B3GALT1: variants seen among roughly 807,000 people sequenced by gnomAD.
B3GALT1 encodes beta-1,3-galactosyltransferase 1.
A neutral mutation model predicts 23.2 loss-of-function variants in B3GALT1; 10 were observed. The observed-to-expected ratio is 0.43, with a 90% confidence interval of 0.27 to 0.73. The LOEUF is 0.73. B3GALT1 is among the 30% of genes least tolerant of loss of function. The probability of loss-of-function intolerance (pLI) is 0.21; values close to 1 mark genes in which losing one functional copy is unlikely to be tolerated. For missense variants in B3GALT1, 299 were observed against 405.4 expected, an observed-to-expected ratio of 0.74 and a Z score of 2.25; for synonymous variants, 156 against 141.5, an observed-to-expected ratio of 1.10 and a Z score of -0.73.
At chr2:167,305,393 C>T (rs987963330) in intron 1 of B3GALT1, among the ~76,000 whole-genome samples, 2 of 152,122 alleles carry the variant, frequency 1.3e-5, no homozygotes, top group African/African-American at 2.4e-5. Context: ...ACAGTTCCTA[C>T]CTGATGAACA....
chr2:167,836,946 G>C (rs1299553317), intron 4 of B3GALT1, among the ~76,000 whole-genome samples: 1 of 152,072 alleles, frequency 6.6e-6, no homozygotes, highest in African/African-American at 2.4e-5. Flanking sequence ...AAGTGAAGGA[G>C]AAATAAAATA....
intron 1 of B3GALT1, among the ~76,000 whole-genome samples, chr2:167,315,580 A>G (rs1189539808): frequency 6.6e-6 from 1 of 152,172 alleles, no homozygotes; most frequent in Non-Finnish European, 1.5e-5. Flanking sequence ...CCTAGCTCAG[A>G]AAAGTTGAAG....
At chr2:167,759,163 G>A (rs1687863387) in intron 3 of B3GALT1, among the ~76,000 whole-genome samples, 1 of 152,202 alleles carries the variant, frequency 6.6e-6, no homozygotes. Flanking sequence ...CCGTTCTCGA[G>A]GTTTCCACAG....
intron 2 of B3GALT1, among the ~76,000 whole-genome samples, chr2:167,527,697 A>G (rs1170976352): frequency 1.3e-5 from 2 of 152,146 alleles, no homozygotes; most frequent in Non-Finnish European, 2.9e-5. Flanking sequence ...CTGGTATACA[A>G]TTTTTAAAAT....
intron 1 of B3GALT1, among the ~76,000 whole-genome samples, chr2:167,443,578 A>G (rs983331725): frequency 3.3e-5 from 5 of 151,976 alleles, no homozygotes; most frequent in African/African-American, 4.8e-5. Flanking sequence ...CCTTGAAGAG[A>G]TCCTTCACAT....
chr2:167,696,035 A>G (rs1362568493), intron 3 of B3GALT1, among the ~76,000 whole-genome samples: 1 of 152,190 alleles, frequency 6.6e-6, no homozygotes, highest in Non-Finnish European at 1.5e-5. Flanking sequence ...AACAAGGAAA[A>G]ATAGCCTTTA....
intron 1 of B3GALT1, among the ~76,000 whole-genome samples, chr2:167,301,056 G>C (rs1696436247): frequency 6.6e-6 from 1 of 152,146 alleles, no homozygotes; most frequent in African/African-American, 2.4e-5. Context: ...TGAGCGCATT[G>C]AATATAAGTT....
intron 2 of B3GALT1, among the ~76,000 whole-genome samples, chr2:167,518,468 C>T (rs994544385): frequency 2.2e-4 from 34 of 152,000 alleles, no homozygotes; most frequent in African/African-American, 7.7e-4. Context: ...ATATTTTAGA[C>T]ATTAGGGTAA....
At chr2:167,594,261 G>T (rs1048581053) in intron 2 of B3GALT1, among the ~76,000 whole-genome samples, 1 of 152,130 alleles carries the variant, frequency 6.6e-6, no homozygotes, top group East Asian at 1.9e-4. Context: ...TCAAGGCACT[G>T]CATGTCCTTC....
At chr2:167,798,120 C>T (rs1252858546) in intron 3 of B3GALT1, among the ~76,000 whole-genome samples, 1 of 152,112 alleles carries the variant, frequency 6.6e-6, no homozygotes, top group African/African-American at 2.4e-5. Flanking sequence ...ATGTCCTTTG[C>T]CCACTTTTTA....
chr2:167,822,264 A>G (rs1334681571), intron 4 of B3GALT1, among the ~76,000 whole-genome samples: 5 of 152,068 alleles, frequency 3.3e-5, no homozygotes, highest in Non-Finnish European at 7.3e-5. Context: ...CTAGGTCACT[A>G]TTACATATTG....
Position 167,825,294 on chromosome 2 carries a change from A to C in B3GALT1, c.-230+6501A>C, listed in dbSNP as rs574063153. ...GCAAGACTCCGTCTCAAAAAAAAAA[A>C]AAAAACAGAAAAAAGAAAACAAGCA... On this transcript the variant is annotated intron_variant, in intron 4 of 4. Coordinates refer to ENST00000392690, the MANE Select transcript of B3GALT1 (RefSeq NM_020981.4). 1.4e-3 allele frequency among the ~76,000 whole-genome samples: 206 copies of C among 149,782 alleles called. 1 individual carries two copies. Among genetic ancestry groups the C allele is most frequent in the Non-Finnish European group, 2.4e-3 (162 of 67,642 alleles).
chr2:167,759,272 T>C (rs921375172), intron 3 of B3GALT1, among the ~76,000 whole-genome samples: 5 of 152,202 alleles, frequency 3.3e-5, no homozygotes, highest in African/African-American at 7.2e-5. Context: ...ATCAGTTTTC[T>C]ACTTGATCTT....
At chr2:167,439,991 AC>A (rs1698853467) in intron 1 of B3GALT1, among the ~76,000 whole-genome samples, 1 of 152,082 alleles carries the variant, frequency 6.6e-6, no homozygotes. Context: ...CCTTTCTTTT[AC>A]CTTTTATATT....
At chr2:167,356,179 A>C (rs1379832973) in intron 1 of B3GALT1, among the ~76,000 whole-genome samples, 1 of 152,202 alleles carries the variant, frequency 6.6e-6, no homozygotes, top group Non-Finnish European at 1.5e-5. Flanking sequence ...TGGTAGGTTG[A>C]TACTTCATTT....
At chr2:167,676,925 C>T (rs1211702990) in intron 3 of B3GALT1, among the ~76,000 whole-genome samples, 1 of 152,178 alleles carries the variant, frequency 6.6e-6, no homozygotes, top group African/African-American at 2.4e-5. Flanking sequence ...CAAGTACTCT[C>T]AAAGTTATTT....
intron 3 of B3GALT1, among the ~76,000 whole-genome samples, chr2:167,674,473 C>T (rs76704354): frequency 0.018 from 2,724 of 152,186 alleles, 85 homozygotes; most frequent in East Asian, 0.078. Context: ...AGTTACAAGG[C>T]AAGGGGCCAT....
At chr2:167,660,149 T>A (rs1215098017) in intron 3 of B3GALT1, among the ~76,000 whole-genome samples, 1 of 152,074 alleles carries the variant, frequency 6.6e-6, no homozygotes, top group South Asian at 2.1e-4. Flanking sequence ...TTATGCAGCA[T>A]GTTTAGGAAG....
intron 3 of B3GALT1, among the ~76,000 whole-genome samples, chr2:167,675,152 A>G (rs930322047): frequency 2.0e-5 from 3 of 152,106 alleles, no homozygotes; most frequent in Non-Finnish European, 2.9e-5. Flanking sequence ...ATCATCCTCA[A>G]TTTTCCACAG....
Sources: gnomAD v4.1 joint callset for allele counts (sites outside exome capture counted in the v4.1 genomes callset) on GRCh38, gnomAD v4.1.1 for gene constraint, MANE v1.5 for transcripts, NCBI Gene and HGNC (gene_info 2026-07-23, HGNC 2026-07-21) for gene names.